Variants in NRXN1 observed in about 807,000 individuals in gnomAD.
The protein encoded by NRXN1 is neurexin-1.
In NRXN1, 39 loss-of-function variants were observed where a neutral mutation model predicts 150.9. That is an observed-to-expected ratio of 0.26 (90% CI 0.20 to 0.34). The LOEUF (loss-of-function observed/expected upper bound fraction) is 0.34. Among genes scored for constraint, NRXN1 ranks in the 10% least tolerant of loss-of-function variants. The pLI is 1.00. For missense variants in NRXN1, 1,815 were observed against 1,949.9 expected (o/e 0.93, Z 1.30); for synonymous variants, 924 against 757.0 (o/e 1.22, Z -3.62).
At chr2:50,987,100 CTT>C (rs1397625086) in intron 2 of NRXN1, among the ~76,000 whole-genome samples, 1 of 151,676 alleles carries the variant, frequency 6.6e-6, no homozygotes, top group East Asian at 1.9e-4. Context: ...GAGGAGAAAA[CTT>C]TTAAAAAACA....
At chr2:50,395,827 C>T (rs2082018820) in intron 17 of NRXN1, among the ~76,000 whole-genome samples, 1 of 152,250 alleles carries the variant, frequency 6.6e-6, no homozygotes, top group South Asian at 2.1e-4. Context: ...AATTTGCATC[C>T]TTGCCTTTCT....
intron 18 of NRXN1, among the ~76,000 whole-genome samples, chr2:50,110,190 C>T (rs1174725437): frequency 6.6e-6 from 1 of 152,032 alleles, no homozygotes; most frequent in Non-Finnish European, 1.5e-5. Context: ...TCCCTCCTCA[C>T]TTAGAAATAA....
intron 17 of NRXN1, among the ~76,000 whole-genome samples, chr2:50,361,529 C>A (rs531737297): frequency 6.6e-6 from 1 of 152,212 alleles, no homozygotes; most frequent in South Asian, 2.1e-4. Flanking sequence ...TGGATACATT[C>A]CTGGATATAT....
At chr2:50,977,815 T>C (rs949564355) in intron 2 of NRXN1, among the ~76,000 whole-genome samples, 8 of 151,830 alleles carry the variant, frequency 5.3e-5, no homozygotes, top group South Asian at 2.1e-4. Context: ...ATATCATAAA[T>C]GAGCATGCAA....
chr2:50,636,853 T>C (rs1327816720), intron 5 of NRXN1, among the ~76,000 whole-genome samples: 4 of 152,224 alleles, frequency 2.6e-5, no homozygotes, highest in African/African-American at 9.6e-5. Flanking sequence ...TCCCCAAATT[T>C]AAAGTACTTC....
At chr2:50,546,602 A>G (rs2093499318) in intron 9 of NRXN1, among the ~76,000 whole-genome samples, 1 of 152,194 alleles carries the variant, frequency 6.6e-6, no homozygotes. Context: ...CTGAAGGAAA[A>G]TGTACAAATA....
intron 2 of NRXN1, among the ~76,000 whole-genome samples, chr2:50,956,838 C>G (rs1466701556): frequency 6.6e-6 from 1 of 151,984 alleles, no homozygotes; most frequent in Non-Finnish European, 1.5e-5. Context: ...GACATTCATC[C>G]TAACAAACTC....
At chr2:50,161,351 A>G (rs2059353349) in intron 18 of NRXN1, among the ~76,000 whole-genome samples, 1 of 152,188 alleles carries the variant, frequency 6.6e-6, no homozygotes, top group South Asian at 2.1e-4. Context: ...TAGAATTCAA[A>G]TCATTTGGCT....
At chr2:50,607,323 C>A (rs941713777) in intron 8 of NRXN1, among the ~76,000 whole-genome samples, 5 of 152,050 alleles carry the variant, frequency 3.3e-5, no homozygotes, top group Non-Finnish European at 7.3e-5. Context: ...CATCTAATCA[C>A]CAAGAAAATT....
intron 2 of NRXN1, among the ~76,000 whole-genome samples, chr2:51,024,150 T>C (rs1022517271): frequency 3.3e-5 from 5 of 152,134 alleles, no homozygotes; most frequent in African/African-American, 7.2e-5. Context: ...TGCTCTTAAG[T>C]AGAAATAATG....
chr2:50,776,075 G>A (rs1002102883), intron 5 of NRXN1, among the ~76,000 whole-genome samples: 2 of 152,026 alleles, frequency 1.3e-5, no homozygotes, highest in African/African-American at 4.8e-5. Context: ...TGAACAAATC[G>A]ACTGTCATTT....
At chr2:50,997,951 C>T (rs12623467) in intron 2 of NRXN1, among the ~76,000 whole-genome samples, 16,488 of 140,446 alleles carry the variant, frequency 0.12, 3,500 homozygotes, top group East Asian at 0.49. Context: ...ATGATGAGTT[C>T]CGAATGTTTA....
At chr2:50,920,053 C>A (rs986476079) in intron 5 of NRXN1, 7 of 347,748 alleles carry the variant, frequency 2.0e-5, no homozygotes, top group Admixed American at 1.5e-4. Context: ...TTCTCTACAT[C>A]TAATTAAACA....
intron 17 of NRXN1, among the ~76,000 whole-genome samples, chr2:50,386,567 G>T (rs2081341514): frequency 6.6e-6 from 1 of 151,324 alleles, no homozygotes; most frequent in South Asian, 2.1e-4. Flanking sequence ...TGCCCAACAA[G>T]CAATAGAACC....
chr2:50,138,934 C>T (rs1480624748), intron 18 of NRXN1, among the ~76,000 whole-genome samples: 2 of 152,156 alleles, frequency 1.3e-5, no homozygotes, highest in African/African-American at 4.8e-5. Flanking sequence ...AGGCCAAAGA[C>T]GTCAGATGAA....
chr2:50,667,405 C>T (rs904616404), intron 5 of NRXN1, among the ~76,000 whole-genome samples: 2 of 151,916 alleles, frequency 1.3e-5, no homozygotes, highest in African/African-American at 4.8e-5. Context: ...ATTGGTTACA[C>T]ATGTTCACAG....
chr2:50,049,868 G>C (rs912827969), intron 21 of NRXN1, among the ~76,000 whole-genome samples: 1 of 151,988 alleles, frequency 6.6e-6, no homozygotes, highest in East Asian at 1.9e-4. Context: ...ACCACCAATA[G>C]TTTTTGTGAA....
In NRXN1 at chr2:50,736,739, T is replaced by C. The variant is rs187329714; in HGVS notation, c.833-113124A>G. Reference sequence around the variant, plus strand: ...GGCCTCTCCAGACATGTGGAACTGTTAGTTTGTTAAACTTTTTCTTTATAA... The same window carrying C: ...GGCCTCTCCAGACATGTGGAACTGTCAGTTTGTTAAACTTTTTCTTTATAA... On this transcript the variant is annotated intron_variant, in intron 5 of 22. Coordinates refer to ENST00000401669, the MANE Select transcript of NRXN1 (RefSeq NM_001330078.2). 2.6e-5 allele frequency among the ~76,000 whole-genome samples: 4 copies of C among 152,280 alleles called. No homozygotes were observed. The East Asian group carries it at 5.8e-4, about 22-fold the overall frequency.
intron 17 of NRXN1, among the ~76,000 whole-genome samples, chr2:50,451,467 G>A (rs910118695): frequency 6.6e-6 from 1 of 152,144 alleles, no homozygotes; most frequent in Non-Finnish European, 1.5e-5. Context: ...TCATTAGGTT[G>A]TTAGTCACAT....
Sources: allele counts gnomAD v4.1 joint callset (sites outside exome capture counted in the v4.1 genomes callset), GRCh38; gene constraint gnomAD v4.1.1; transcripts MANE v1.5; gene names NCBI Gene and HGNC (gene_info 2026-07-23, HGNC 2026-07-21).